MEGF11: variants seen among roughly 807,000 people sequenced by gnomAD.
MEGF11 encodes the protein multiple epidermal growth factor-like domains protein 11.
In MEGF11, 126 loss-of-function variants were observed where a neutral mutation model predicts 146.6. That is an observed-to-expected ratio of 0.86 (90% confidence interval 0.74 to 1.00). The LOEUF is 1.00. Ranked by LOEUF, MEGF11 falls within the 50% of genes least tolerant of loss-of-function variation. The pLI, the probability that MEGF11 is intolerant of heterozygous loss-of-function variation, is 0.00. For synonymous variants in MEGF11, 532 were observed against 583.4 expected (o/e 0.91, Z 1.27); for missense variants, 1,509 against 1,521.2 (o/e 0.99, Z 0.13).
intron 1 of MEGF11, among the ~76,000 whole-genome samples, chr15:66,203,658 T>A (rs1271762054): frequency 6.6e-6 from 1 of 151,912 alleles, no homozygotes; most frequent in Non-Finnish European, 1.5e-5. Context: ...CTTTCTACCC[T>A]CTCCACCAAA....
At chr15:65,929,033 C>T (rs1010054241) in intron 12 of MEGF11, among the ~76,000 whole-genome samples, 4 of 152,116 alleles carry the variant, frequency 2.6e-5, no homozygotes, top group African/African-American at 4.8e-5. Context: ...ACAGCAATTC[C>T]ATGATATGAT....
chr15:66,053,477 A>G (rs2084534156), intron 5 of MEGF11, among the ~76,000 whole-genome samples: 1 of 152,084 alleles, frequency 6.6e-6, no homozygotes, highest in African/African-American at 2.4e-5. Context: ...TGGGGTTATC[A>G]TTATTATCAT....
chr15:65,965,600 C>CTTTCTTTCTTTTTTTTTTTTTTTTTTTTT, intron 8 of MEGF11, among the ~76,000 whole-genome samples: 1 of 18,880 alleles, frequency 5.3e-5, no homozygotes, highest in Non-Finnish European at 9.0e-5. Flanking sequence ...TTCTTTCTTT[C>CTTTCTTTCTTTTTTTTTTTTTTTTTTTTT]TTTTTTTTTT....
intron 1 of MEGF11, among the ~76,000 whole-genome samples, chr15:66,140,638 A>G (rs1343340255): frequency 6.6e-6 from 1 of 152,246 alleles, no homozygotes; most frequent in African/African-American, 2.4e-5. Context: ...GGGTAGGAAG[A>G]ACGGGAGGCA....
At chr15:65,995,261 C>CT (rs1453894830) in intron 5 of MEGF11, among the ~76,000 whole-genome samples, 1 of 152,226 alleles carries the variant, frequency 6.6e-6, no homozygotes. Context: ...TAGACCACTA[C>CT]TTCCCAAACT....
chr15:66,047,080 C>T (rs2084238066), intron 5 of MEGF11, among the ~76,000 whole-genome samples: 1 of 152,344 alleles, frequency 6.6e-6, no homozygotes, highest in Middle Eastern at 3.4e-3. Flanking sequence ...GAAAGGGAGC[C>T]ACATCAGGTG....
At chr15:66,176,912 C>T (rs986029240) in intron 1 of MEGF11, among the ~76,000 whole-genome samples, 1 of 152,166 alleles carries the variant, frequency 6.6e-6, no homozygotes, top group Admixed American at 6.5e-5. Context: ...AGAGAAGTTC[C>T]CCACAGATCT....
intron 5 of MEGF11, among the ~76,000 whole-genome samples, chr15:66,030,484 A>G (rs1437733001): frequency 2.0e-5 from 3 of 152,114 alleles, no homozygotes; most frequent in African/African-American, 7.2e-5. Context: ...ATCTTGGCTC[A>G]CTGCAATCTC....
Position 65,976,595 on chromosome 15 carries a change from A to G in MEGF11, c.762+4183T>C, listed in dbSNP as rs2081456969. Among the ~76,000 whole-genome samples the G allele has an allele frequency of 2.0e-5, 3 of 152,190 alleles. No homozygotes were observed. In the South Asian group the frequency reaches 6.2e-4, roughly 32 times the overall value. ...AGGAACCAACGCTGCCGACACCTTG[A>G]TCTTGGACTTTCAGCCTTCAGAACT... On this transcript the variant is annotated intron_variant, in intron 7 of 25. Transcript: ENST00000395614.
rs1288696745 is a variant in MEGF11, at chr15:65,982,931, T to C, written c.395-443A>G. On this transcript the variant is annotated intron_variant, in intron 5 of 25. Transcript: ENST00000395614. The surrounding 1 kb of genome is among the most constrained non-coding windows in gnomAD (Gnocchi z 5.6). ...CTCCTCTGTGACCCTACCCCTCTCT[T>C]CTTGGGACCTGCGGGACCCAGCCCA... is the stretch of plus-strand genomic sequence containing the variant. Among the ~76,000 whole-genome samples, 2 of 151,932 alleles carry C rather than the reference T, an allele frequency of 1.3e-5. No homozygotes were observed. Among genetic ancestry groups the C allele is most frequent in the Non-Finnish European group, 2.9e-5 (2 of 67,986 alleles).
At chr15:65,928,750 ACT>A (rs2079465320) in intron 12 of MEGF11, among the ~76,000 whole-genome samples, 1 of 151,796 alleles carries the variant, frequency 6.6e-6, no homozygotes, top group South Asian at 2.1e-4. Context: ...CCATGAAGAC[ACT>A]CTGAAGAATT....
At chr15:66,042,526 G>T (rs944549292) in intron 5 of MEGF11, among the ~76,000 whole-genome samples, 1 of 152,134 alleles carries the variant, frequency 6.6e-6, no homozygotes, top group African/African-American at 2.4e-5. Context: ...AGCACTGGGG[G>T]GGAACATATC....
intron 5 of MEGF11, among the ~76,000 whole-genome samples, chr15:65,988,435 G>T (rs558150947): frequency 6.6e-6 from 1 of 152,192 alleles, no homozygotes; most frequent in Non-Finnish European, 1.5e-5. Context: ...GTTGTAGCCT[G>T]TATCAGGACT....
At chr15:66,072,717 C>T (rs2085418838) in intron 5 of MEGF11, among the ~76,000 whole-genome samples, 1 of 152,294 alleles carries the variant, frequency 6.6e-6, no homozygotes, top group East Asian at 1.9e-4. Flanking sequence ...TGAGCTCCTC[C>T]CTAGGCAGCT....
At chr15:66,089,000 G>A (rs572455783) in intron 5 of MEGF11, among the ~76,000 whole-genome samples, 10 of 152,216 alleles carry the variant, frequency 6.6e-5, no homozygotes, top group Non-Finnish European at 1.0e-4. Flanking sequence ...TTTATGTTAT[G>A]TATCTTTTAC....
intron 5 of MEGF11, among the ~76,000 whole-genome samples, chr15:66,081,798 G>C (rs760662673): frequency 6.6e-6 from 1 of 152,206 alleles, no homozygotes; most frequent in Non-Finnish European, 1.5e-5. Flanking sequence ...CTTCTGCTAT[G>C]AACTGAATGT....
intron 10 of MEGF11, among the ~76,000 whole-genome samples, chr15:65,942,701 C>T (rs899990581): frequency 3.9e-5 from 6 of 152,056 alleles, no homozygotes; most frequent in Admixed American, 6.6e-5. Flanking sequence ...GCTTCCCTGG[C>T]GCTGAGCCCT....
At position 65,903,982 on chromosome 15, in the gene MEGF11, C is replaced by T. The variant is rs182056874; in HGVS notation, c.3055+2103G>A. Among the ~76,000 whole-genome samples, 328 of 152,272 alleles carry T rather than the reference C, an allele frequency of 2.2e-3. 2 individuals are homozygous for T. The highest frequency in any genetic ancestry group is 0.014 in the Middle Eastern group (4 of 294). On this transcript the variant is annotated intron_variant, in intron 24 of 25. Transcript: ENST00000395614. ...AAAATAAGATCTGGCTGGCTGCCTG[C>T]TGAGCCCTCGCCTGCACTCAGAGGT...
At chr15:65,984,525 C>CAAA (rs35017296) in intron 5 of MEGF11, among the ~76,000 whole-genome samples, 22,742 of 49,460 alleles carry the variant, frequency 0.46, 7,861 homozygotes, top group Admixed American at 0.56. Flanking sequence ...GACTCCGTGT[C>CAAA]AAAAAAAAAA....
Sources: allele counts gnomAD v4.1 joint callset (sites outside exome capture counted in the v4.1 genomes callset), GRCh38; gene constraint gnomAD v4.1.1; non-coding constraint Gnocchi (gnomAD v3.1); transcripts MANE v1.5; gene names NCBI Gene and HGNC (gene_info 2026-07-23, HGNC 2026-07-21).